The following WDFY3 variants were observed in gnomAD, a reference collection of about 807,000 sequenced individuals.
WDFY3 encodes WD repeat and FYVE domain-containing protein 3.
In WDFY3, 66 loss-of-function variants were observed where a neutral mutation model predicts 409.6. The observed-to-expected ratio is 0.16, with a 90% CI of 0.13 to 0.20. The LOEUF is 0.20. Ranked by LOEUF, WDFY3 falls within the 10% of genes least tolerant of loss-of-function variation. WDFY3 has a pLI of 1.00. For synonymous variants in WDFY3, 1,521 were observed against 1,537.1 expected, an observed-to-expected ratio of 0.99 and a Z score of 0.25; for missense variants, 3,031 against 4,298.1, an observed-to-expected ratio of 0.71 and a Z score of 8.24.
chr4:84,756,298 T>C (rs1305751081), intron 33 of WDFY3, among the ~76,000 whole-genome samples: 2 of 152,014 alleles, frequency 1.3e-5, no homozygotes, highest in African/African-American at 2.4e-5. Flanking sequence ...ATCAATCACA[T>C]GACAGGCTGG....
At chr4:84,931,448 G>A (rs1376004119) in intron 2 of WDFY3, among the ~76,000 whole-genome samples, 1 of 152,160 alleles carries the variant, frequency 6.6e-6, no homozygotes, top group Non-Finnish European at 1.5e-5. Context: ...TGGCAAGCAG[G>A]CTTCACCTCA....
chr4:84,805,185 C>G (rs1751313694), intron 15 of WDFY3, among the ~76,000 whole-genome samples: 1 of 152,164 alleles, frequency 6.6e-6, no homozygotes, highest in East Asian at 1.9e-4. Flanking sequence ...TGTGTCTGGA[C>G]TTGGGTCCCA....
At chr4:84,863,967 G>T (rs982388842) in intron 3 of WDFY3, among the ~76,000 whole-genome samples, 1 of 152,088 alleles carries the variant, frequency 6.6e-6, no homozygotes, top group East Asian at 1.9e-4. Context: ...TTTGATATCA[G>T]GAAATGACAC....
At chr4:84,816,167 G>A (rs76827575) in intron 13 of WDFY3, among the ~76,000 whole-genome samples, 1 of 152,084 alleles carries the variant, frequency 6.6e-6, no homozygotes, top group Non-Finnish European at 1.5e-5. Flanking sequence ...ACGGAAAATT[G>A]TATTTAGAAA....
intron 3 of WDFY3, among the ~76,000 whole-genome samples, chr4:84,883,198 A>T (rs969702125): frequency 1.3e-5 from 2 of 152,202 alleles, no homozygotes; most frequent in African/African-American, 4.8e-5. Flanking sequence ...ATCATTAGAC[A>T]TGTCCTAATT....
chr4:84,741,711 G>A (rs761455783), intron 38 of WDFY3, 50 bp downstream of exon 38: 1 of 1,498,172 alleles, frequency 6.7e-7, no homozygotes, highest in Non-Finnish European at 9.0e-7. Flanking sequence ...TGACACCATA[G>A]GCAAAACAGG....
intron 8 of WDFY3, among the ~76,000 whole-genome samples, chr4:84,831,185 CAA>C (rs56810528): frequency 9.7e-5 from 10 of 103,290 alleles, no homozygotes; most frequent in Non-Finnish European, 1.4e-4. Flanking sequence ...AGACTCCATC[CAA>C]AAAAAAAAAA....
At position 84,713,422 on chromosome 4, in the gene WDFY3, G is replaced by C. The variant is rs115927329; in HGVS notation, c.7962-183C>G. ...TCTCTAAAGAGGAAATAATTTCTTA[G>C]CACTGAAAACAATAGCACCTTTAGA... On this transcript the variant is annotated intron_variant, in intron 50 of 67. Coordinates refer to ENST00000295888, the MANE Select transcript of WDFY3 (RefSeq NM_014991.6). Among the ~76,000 whole-genome samples the C allele has an allele frequency of 6.8e-3, 1,042 of 152,200 alleles. 14 individuals are homozygous for C. Among genetic ancestry groups the C allele is most frequent in the African/African-American group, 0.022 (917 of 41,534 alleles).
intron 24 of WDFY3, 86 bp from the exon 25 acceptor site, chr4:84,783,160 T>C: frequency 8.3e-7 from 1 of 1,211,082 alleles, no homozygotes; most frequent in Non-Finnish European, 1.2e-6. Context: ...ACATGAATGG[T>C]AACATATCTT....
chr4:84,708,924 T>C lies in WDFY3; in HGVS notation c.8202A>G (p.Ala2734=). The change falls in exon 53 of 68, where the codon GCA becomes GCG. Residue 2734 remains alanine (A), a synonymous_variant. Coordinates refer to ENST00000295888, the MANE Select transcript of WDFY3 (RefSeq NM_014991.6). ...MQYPVFPWIL[A]DYDSEEVDLT... The stretch of plus-strand genomic sequence containing the variant: ...TAAGATTTACCTCTGAGTCATAATC[T>C]GCAAGGATCCAGGGGAAGACAGGAT... 2.5e-6 allele frequency: 4 copies of C among 1,613,812 alleles called. No homozygotes were observed. Among genetic ancestry groups the C allele is most frequent in the Non-Finnish European group, 3.4e-6 (4 of 1,179,852 alleles).
chr4:84,899,015 A>G (rs942941524), intron 2 of WDFY3, among the ~76,000 whole-genome samples: 1 of 152,216 alleles, frequency 6.6e-6, no homozygotes, highest in Non-Finnish European at 1.5e-5. Flanking sequence ...AAAGTCTTCT[A>G]AAGAGACATC....
At position 84,699,860 on chromosome 4, in the gene WDFY3, G is replaced by T. The variant is rs555292119; in HGVS notation, c.8596+2493C>A. 3.3e-5 allele frequency among the ~76,000 whole-genome samples: 5 copies of T among 151,454 alleles called. No homozygotes were observed. In the South Asian group the frequency reaches 1.0e-3, roughly 32 times the overall value. On this transcript the variant is annotated intron_variant, in intron 56 of 67. Coordinates refer to ENST00000295888, the MANE Select transcript of WDFY3 (RefSeq NM_014991.6). ...TACTGGCCATCTGTATAACTTATTT[G>T]GGAAATTGTCTATTCAAGCCCTTTG...
At chr4:84,902,193 A>G (rs372951930) in intron 2 of WDFY3, among the ~76,000 whole-genome samples, 1 of 152,176 alleles carries the variant, frequency 6.6e-6, no homozygotes, top group East Asian at 1.9e-4. Flanking sequence ...ATGGTCTGCA[A>G]TTTTCTTTAG....
rs374430976 is a variant in WDFY3 at position 84,962,749 on chromosome 4, C to T, written c.-226+3460G>A. ...AGTGCGGTGGCGCCATCTCAGCTCA[C>T]TGCAACCTCCACCTCCCCAGTTCAA... is the stretch of plus-strand genomic sequence containing the variant. On this transcript the variant is annotated intron_variant, in intron 1 of 67. Transcript: ENST00000295888. Among the ~76,000 whole-genome samples, 5 of 150,916 alleles carry T rather than the reference C, an allele frequency of 3.3e-5. No individual in the cohort carries two copies. The East Asian group carries it at 9.8e-4, about 30-fold the overall frequency.
In WDFY3 at chr4:84,789,181, G is replaced by A. The variant is rs187467647; in HGVS notation, c.3669+545C>T. On this transcript the variant is annotated intron_variant, in intron 22 of 67. Coordinates refer to ENST00000295888, the MANE Select transcript of WDFY3 (RefSeq NM_014991.6). ...GGGAGTTTCACTTGTTTCTTTACTT[G>A]ATAATCAACTCTTTTTTTCTATTCT... is the stretch of plus-strand genomic sequence containing the variant. Among the ~76,000 whole-genome samples, 4 of 152,180 alleles carry A rather than the reference G, an allele frequency of 2.6e-5. No homozygotes were observed. The East Asian group carries it at 7.7e-4, about 29-fold the overall frequency.
chr4:84,871,629 CT>C (rs752869315), intron 3 of WDFY3, among the ~76,000 whole-genome samples: 10 of 148,324 alleles, frequency 6.7e-5, no homozygotes, highest in East Asian at 2.0e-4. Flanking sequence ...CATTTTTATC[CT>C]TTTTTTTTTC....
chr4:84,703,403 A>G (rs1731389353), intron 55 of WDFY3, among the ~76,000 whole-genome samples: 1 of 152,168 alleles, frequency 6.6e-6, no homozygotes. Context: ...CTGTGTTTTA[A>G]GTTAACATGG....
intron 1 of WDFY3, among the ~76,000 whole-genome samples, chr4:84,963,051 A>G (rs1297239079): frequency 5.3e-5 from 8 of 151,916 alleles, no homozygotes; most frequent in African/African-American, 1.9e-4. Context: ...ATCAGTGTAA[A>G]TATCAGGAAG....
intron 7 of WDFY3, among the ~76,000 whole-genome samples, chr4:84,832,957 G>C (rs984019450): frequency 2.0e-5 from 3 of 151,688 alleles, no homozygotes; most frequent in African/African-American, 7.3e-5. Context: ...AAGATATTTT[G>C]AAATTTTTTC....
Sources: gnomAD v4.1 joint callset for allele counts (sites outside exome capture counted in the v4.1 genomes callset) on GRCh38, gnomAD v4.1.1 for gene constraint, MANE v1.5 for transcripts, NCBI Gene and HGNC (gene_info 2026-07-23, HGNC 2026-07-21) for gene names.